PALLD: variants seen among roughly 807,000 people sequenced by gnomAD.
PALLD encodes the protein palladin, cytoskeletal associated protein, also known as palladin.
In PALLD, 61 loss-of-function variants were observed where a neutral mutation model predicts 123.5. That is an observed-to-expected ratio of 0.49 (90% confidence interval 0.40 to 0.61). The LOEUF is 0.61. Ranked by LOEUF, PALLD falls within the 20% of genes least tolerant of loss-of-function variation. PALLD has a pLI of 0.00. For synonymous variants in PALLD, 465 were observed against 496.4 expected, an observed-to-expected ratio of 0.94 and a Z score of 0.84; for missense variants, 1,273 against 1,377.0, an observed-to-expected ratio of 0.92 and a Z score of 1.20.
chr4:168,746,380 C>CA (rs747755592), intron 10 of PALLD, among the ~76,000 whole-genome samples: 1,836 of 36,932 alleles, frequency 0.05, 302 homozygotes, highest in Non-Finnish European at 0.056. Flanking sequence ...GAACCCGTCT[C>CA]AAAAAAAAAA....
At chr4:168,647,636 C>T (rs1301563640) in intron 2 of PALLD, among the ~76,000 whole-genome samples, 1 of 151,974 alleles carries the variant, frequency 6.6e-6, no homozygotes, top group Non-Finnish European at 1.5e-5. Flanking sequence ...CAAAAATTAG[C>T]TGGGCATGGT....
chr4:168,563,109 G>A (rs1436751189), intron 2 of PALLD, among the ~76,000 whole-genome samples: 1 of 152,178 alleles, frequency 6.6e-6, no homozygotes, highest in African/African-American at 2.4e-5. Context: ...TGAGTGGATA[G>A]TGGATCTGTT....
chr4:168,756,723 G>A lies in PALLD; in HGVS notation c.1964+44800G>A, dbSNP rs1021713734. Among the ~76,000 whole-genome samples, 3 of 152,186 alleles carry A rather than the reference G, an allele frequency of 2.0e-5. No homozygotes were observed. In the South Asian group the frequency reaches 6.2e-4, roughly 32 times the overall value. On this transcript the variant is annotated intron_variant, in intron 10 of 21. Coordinates refer to ENST00000505667, the MANE Select transcript of PALLD (RefSeq NM_001166108.2). ...GGTGTGTTTATACATTTCCATATGG[G>A]AATGTCAAGTAGGCAGCTCGAAATA...
intron 2 of PALLD, among the ~76,000 whole-genome samples, chr4:168,550,621 C>T (rs79504121): frequency 0.014 from 2,122 of 150,726 alleles, 53 homozygotes; most frequent in African/African-American, 0.049. Context: ...ACCTAAACTT[C>T]TGTAGTTACA....
intron 2 of PALLD, among the ~76,000 whole-genome samples, chr4:168,593,097 C>A (rs149363239): frequency 9.2e-5 from 14 of 151,558 alleles, no homozygotes; most frequent in Non-Finnish European, 1.8e-4. Context: ...ATTACTGGTT[C>A]CCTAATAATC....
chr4:168,661,102 A>G (rs892784060), intron 2 of PALLD, among the ~76,000 whole-genome samples: 3 of 151,804 alleles, frequency 2.0e-5, no homozygotes, highest in Non-Finnish European at 4.4e-5. Flanking sequence ...ACGGGGTTTC[A>G]CCATGCTGGC....
intron 10 of PALLD, among the ~76,000 whole-genome samples, chr4:168,801,811 A>G (rs1160031027): frequency 6.6e-6 from 1 of 152,198 alleles, no homozygotes; most frequent in East Asian, 1.9e-4. Flanking sequence ...GCTCACCTGA[A>G]CACCCCATAA....
Position 168,804,779 on chromosome 4 carries a change from A to G in PALLD, c.1965-86143A>G, listed in dbSNP as rs548060156. 3.3e-5 allele frequency among the ~76,000 whole-genome samples: 5 copies of G among 152,360 alleles called. No homozygotes were observed. The East Asian group carries it at 9.6e-4, about 29-fold the overall frequency. ...AAAAGAAATTGTTCTTTTCACCACA[A>G]GAGTTATGTATTCAGAGTAAAAATG... On this transcript the variant is annotated intron_variant, in intron 10 of 21. Transcript: ENST00000505667.
chr4:168,650,631 T>C, intron 2 of PALLD, among the ~76,000 whole-genome samples: 1 of 152,242 alleles, frequency 6.6e-6, no homozygotes, highest in East Asian at 1.9e-4. Context: ...GTATCCTAAA[T>C]TTTGTCAAAT....
At chr4:168,552,428 C>T (rs1401777445) in intron 2 of PALLD, among the ~76,000 whole-genome samples, 2 of 152,076 alleles carry the variant, frequency 1.3e-5, no homozygotes. Context: ...AATCCATGAG[C>T]TTTCTTATAC....
chr4:168,809,203 T>G (rs1740686516), intron 10 of PALLD, among the ~76,000 whole-genome samples: 3 of 152,170 alleles, frequency 2.0e-5, no homozygotes, highest in African/African-American at 2.4e-5. Context: ...CATGAGGCCA[T>G]GAAAACTGAA....
At chr4:168,754,247 T>G (rs1036631269) in intron 10 of PALLD, among the ~76,000 whole-genome samples, 1 of 152,214 alleles carries the variant, frequency 6.6e-6, no homozygotes, top group Non-Finnish European at 1.5e-5. Context: ...TAACTTTTTT[T>G]GGCAAAATAT....
In PALLD at chr4:168,927,516, G is replaced by A. The variant is rs1762712600; in HGVS notation, c.*1336G>A. On this transcript the variant is annotated 3_prime_UTR_variant, in exon 22 of 22. Coordinates refer to ENST00000505667, the MANE Select transcript of PALLD (RefSeq NM_001166108.2). ...TGAGACTGCATGGTGGCATAAATGAGAAATTGCCTGTAGCATCTAGTCTAC... is the reference window on the plus strand; with the variant it reads ...TGAGACTGCATGGTGGCATAAATGAAAAATTGCCTGTAGCATCTAGTCTAC... 1.3e-5 allele frequency: 3 copies of A among 231,864 alleles called. No individual in the cohort carries two copies. The highest frequency in any genetic ancestry group is 2.6e-5 in the Non-Finnish European group (3 of 117,164). 14.4% of individuals were successfully genotyped at this position (231,864 alleles called of 1,614,324 possible). A position where few individuals can be genotyped will look rare whatever the true frequency, so the allele number is the denominator to read the frequency against.
chr4:168,800,056 A>T (rs1318963465), intron 10 of PALLD, among the ~76,000 whole-genome samples: 1 of 152,214 alleles, frequency 6.6e-6, no homozygotes, highest in African/African-American at 2.4e-5. Context: ...TTTCCCTCTT[A>T]TCAGAGGCAG....
chr4:168,505,540 A>G (rs563451644), intron 1 of PALLD, among the ~76,000 whole-genome samples: 1 of 152,366 alleles, frequency 6.6e-6, no homozygotes, highest in Admixed American at 6.5e-5. Context: ...TTAGTTTGAT[A>G]CATTGCTTAG....
chr4:168,825,584 G>C (rs1054532559), intron 10 of PALLD, among the ~76,000 whole-genome samples: 1 of 152,202 alleles, frequency 6.6e-6, no homozygotes, highest in Non-Finnish European at 1.5e-5. Context: ...AGGTTAATCA[G>C]AGTTAGGGAA....
At chr4:168,519,128 CG>C (rs1417824668) in intron 2 of PALLD, among the ~76,000 whole-genome samples, 17 of 152,266 alleles carry the variant, frequency 1.1e-4, no homozygotes, top group East Asian at 9.6e-4. Flanking sequence ...TTCAGGCTTA[CG>C]GATGTAGTAG....
chr4:168,598,185 ACTGG>A (rs1185254604), intron 2 of PALLD: 2 of 306,312 alleles, frequency 6.5e-6, no homozygotes, highest in African/African-American at 2.2e-5. Flanking sequence ...CTTTGGAACC[ACTGG>A]CTTATTTGTT....
chr4:168,641,106 G>A (rs913142053), intron 2 of PALLD, among the ~76,000 whole-genome samples: 1 of 151,886 alleles, frequency 6.6e-6, no homozygotes, highest in African/African-American at 2.4e-5. Context: ...TACTCGAGAG[G>A]CTGAGGCAGG....
Sources: gnomAD v4.1 joint callset for allele counts (sites outside exome capture counted in the v4.1 genomes callset) on GRCh38, gnomAD v4.1.1 for gene constraint, MANE v1.5 for transcripts, NCBI Gene and HGNC (gene_info 2026-07-23, HGNC 2026-07-21) for gene names.